PKD1: variants seen among roughly 807,000 people sequenced by gnomAD.
The protein encoded by PKD1 is polycystin-1.
A neutral mutation model predicts 361.7 loss-of-function variants in PKD1; 81 were observed. The ratio of observed to expected loss-of-function variants is 0.22; its 90% confidence interval spans 0.19 to 0.27. The LOEUF is 0.27. Ranked by LOEUF, PKD1 falls within the 10% of genes least tolerant of loss-of-function variation. The pLI is 1.00. For synonymous variants in PKD1, 3,615 were observed against 2,818.3 expected (o/e 1.28, Z -8.95); for missense variants, 6,399 against 6,118.3 (o/e 1.05, Z -1.53).
In PKD1 at chr16:2,130,536, G is replaced by C. The variant is rs893659753; in HGVS notation, c.215+4939C>G. Among the ~76,000 whole-genome samples the C allele has an allele frequency of 8.4e-4, 128 of 152,230 alleles. 1 individual carries two copies. The highest frequency in any genetic ancestry group is 2.9e-3 in the African/African-American group (122 of 41,460). ...AGCCCTCGAGGGTGGCCCTCCTTCT[G>C]CTGAGGGCTCATGGAGGCCTTGGTG... is the stretch of plus-strand genomic sequence containing the variant. On this transcript the variant is annotated intron_variant, in intron 1 of 45. Transcript: ENST00000262304.
intron 1 of PKD1, among the ~76,000 whole-genome samples, chr16:2,124,255 G>A (rs1370492167): frequency 1.3e-5 from 2 of 152,234 alleles, no homozygotes; most frequent in Admixed American, 6.5e-5. Context: ...TAGCTGACAC[G>A]TGTCTCATGC....
Position 2,091,058 on chromosome 16 carries a change from C to A in PKD1, c.11829G>T (p.Ala3943=), listed in dbSNP as rs748017299. The stretch of plus-strand genomic sequence containing the variant: ...GTACCAGTGCCGTGGCCGCCGTCAG[C>A]GCCACCAGCAGCCACCGCGCCCAGG... ...LGAWARWLLV[A]LTAATALVRL... is the part of the protein sequence containing the mutation. The change falls in exon 43 of 46, where the codon GCG becomes GCT. Residue 3943 remains alanine (A), a synonymous_variant. Coordinates refer to ENST00000262304, the MANE Select transcript of PKD1 (RefSeq NM_001009944.3). The A allele has an allele frequency of 1.3e-6, 2 of 1,521,762 alleles. No individual in the cohort carries two copies. Among genetic ancestry groups the A allele is most frequent in the South Asian group, 2.4e-5 (2 of 83,226 alleles). 94.3% of individuals were successfully genotyped at this position (1,521,762 alleles called of 1,614,324 possible).
chr16:2,108,312 G>A lies in PKD1; in HGVS notation c.6855C>T (p.Asn2285=), dbSNP rs372592530. ...VLDGSESYDP[N]LEDGDQTPLS... ...GCGGCGTCTGGTCGCCGTCCTCCAG[G>A]TTGGGGTCGTAGGACTCGCTCCCAT... is the stretch of plus-strand genomic sequence containing the variant. Residue 2285 remains asparagine (N), a synonymous_variant, in exon 15 of 46, where the codon AAC becomes AAT. Transcript: ENST00000262304. The A allele has an allele frequency of 4.4e-6, 7 of 1,603,158 alleles. No individual in the cohort carries two copies. The highest frequency in any genetic ancestry group is 2.2e-5 in the South Asian group (2 of 90,816).
In PKD1 at chr16:2,109,373, G is replaced by A. The variant is rs1281537225; in HGVS notation, c.5794C>T (p.Pro1932Ser). The change falls in exon 15 of 46, where the codon CCC (proline) becomes TCC (serine). Residue 1932 changes from proline (P) to serine (S), a missense_variant. Coordinates refer to ENST00000262304, the MANE Select transcript of PKD1 (RefSeq NM_001009944.3). The part of the protein sequence containing the change: ...QVGGANPEVL[P>S]GPRFSHSFPR... ...AAGCTGTGGGAGAAACGGGGCCCGG[G>A]GAGCACCTCGGGGTTGGCCCCGCCG... is the stretch of plus-strand genomic sequence containing the variant. 1.9e-6 allele frequency: 3 copies of A among 1,593,948 alleles called. No individual in the cohort carries two copies. Among genetic ancestry groups the A allele is most frequent in the Non-Finnish European group, 2.6e-6 (3 of 1,174,948 alleles).
At chr16:2,113,006 G>A in intron 12 of PKD1, 43 bp from the exon 13 acceptor site, 11 of 1,558,892 alleles carry the variant, frequency 7.1e-6, no homozygotes, top group Middle Eastern at 2.3e-4. Context: ...CAGGTGAGAG[G>A]CCTGGCCCTG....
rs550821265 is a variant in PKD1 at position 2,103,062 on chromosome 16, C to T, written c.8792-92G>A. The T allele has an allele frequency of 9.7e-4, 1,409 of 1,456,812 alleles. 2 individuals carry two copies. Among genetic ancestry groups the T allele is most frequent in the South Asian group, 1.7e-3 (147 of 87,122 alleles). The allele number at this position is 1,456,812 out of a possible 1,614,324, so 90.2% of individuals were successfully genotyped here. A position where few individuals can be genotyped will look rare whatever the true frequency, so the allele number is the denominator to read the frequency against. On this transcript the variant is annotated intron_variant, in intron 23 of 45. Transcript: ENST00000262304. ...GCCCTCCTGAGCCCACCCTCTGCCA[C>T]GGGCCTGAAAGGCCATAGGAGCCTC...
intron 34 of PKD1, among the ~76,000 whole-genome samples, chr16:2,095,631 G>A (rs1162227240): frequency 1.3e-5 from 2 of 152,202 alleles, no homozygotes; most frequent in Non-Finnish European, 2.9e-5. Context: ...TGGGAAAGGA[G>A]CCACGGGACG....
chr16:2,126,636 G>A (rs1270925545), intron 1 of PKD1, among the ~76,000 whole-genome samples: 3 of 152,252 alleles, frequency 2.0e-5, no homozygotes, highest in African/African-American at 7.2e-5. Context: ...GCCTCAGCCA[G>A]CTGGAGCGCA....
chr16:2,105,384 A>G lies in PKD1; in HGVS notation c.7954T>C (p.Ser2652Pro), dbSNP rs773020724. 1 of 1,586,806 alleles carries G rather than the reference A, an allele frequency of 6.3e-7. No homozygotes were observed. The highest frequency in any genetic ancestry group is 8.5e-7 in the Non-Finnish European group (1 of 1,172,638). Residue 2652 changes from serine to proline, a missense_variant, in exon 21 of 46, where the codon TCC (serine) becomes CCC (proline). Ser to Pro is a moderately conservative substitution (Grantham distance 74, BLOSUM62 -1). Coordinates refer to ENST00000262304, the MANE Select transcript of PKD1 (RefSeq NM_001009944.3). ...TCATCCACAGTGTGGACCCTCAGGG[A>G]CACCAGAGTCTCCGTGATGTTCTTG... ...IRKNITETLV[S>P]LRVHTVDDIQ...
At chr16:2,098,211 A>G (rs2091928452) in intron 30 of PKD1, 2 of 591,986 alleles carry the variant, frequency 3.4e-6, no homozygotes, top group Non-Finnish European at 6.0e-6. Context: ...AGAGTTTTAA[A>G]TTTCATATTT....
At chr16:2,107,247 G>C (rs2854619) in intron 16 of PKD1, 202,458 of 464,106 alleles carry the variant, frequency 0.44, 46,854 homozygotes, top group African/African-American at 0.59. Flanking sequence ...CGTGTGAGAA[G>C]AGACGTATGT....
intron 1 of PKD1, among the ~76,000 whole-genome samples, chr16:2,123,254 G>A (rs1434043088): frequency 6.6e-6 from 1 of 152,042 alleles, no homozygotes; most frequent in Admixed American, 6.5e-5. Flanking sequence ...TGGGGACCCC[G>A]CTCGGCCGAG....
chr16:2,111,431 C>A lies in PKD1; in HGVS notation c.3736G>T (p.Asp1246Tyr). The stretch of plus-strand genomic sequence containing the variant: ...GACAGCACGGTGCCGTCCCCCATGT[C>A]GAAGGTCCACGTGATGTTGTCGCCC... ...QTGDNITWTFDMGDGTVLSGP... is the reference protein window; with the variant it reads ...QTGDNITWTFYMGDGTVLSGP... Residue 1246 changes from aspartate (D) to tyrosine (Y), a missense_variant, in exon 15 of 46, where the codon GAC (aspartate) becomes TAC (tyrosine). Asp to Tyr is a radical substitution (Grantham distance 160). Transcript: ENST00000262304. 2 of 1,611,910 alleles carry A rather than the reference C, an allele frequency of 1.2e-6. No individual in the cohort carries two copies. The highest frequency in any genetic ancestry group is 1.7e-6 in the Non-Finnish European group (2 of 1,179,556).
rs1479999945 is a variant in PKD1 at position 2,117,096 on chromosome 16, C to A, written c.1386-43G>T. ...ATGGCAGGGGGCTCAGGGCACTCCT[C>A]CATCCTCCCACCCTCACAGCAGCCC... On this transcript the variant is annotated intron_variant, in intron 6 of 45. Coordinates refer to ENST00000262304, the MANE Select transcript of PKD1 (RefSeq NM_001009944.3). The A allele has an allele frequency of 1.4e-5, 12 of 885,254 alleles. 1 individual carries two copies. Among genetic ancestry groups the A allele is most frequent in the Middle Eastern group, 3.4e-4 (1 of 2,938 alleles). 54.8% of individuals were successfully genotyped at this position (885,254 alleles called of 1,614,324 possible).
Position 2,115,396 on chromosome 16 carries a change from C to A in PKD1, c.2079G>T (p.Gly693=). 6.4e-7 allele frequency: 1 copy of A among 1,557,176 alleles called. No homozygotes were observed. Among genetic ancestry groups the A allele is most frequent in the Admixed American group, 1.9e-5 (1 of 53,562 alleles). Reference sequence around the variant, plus strand: ...CACACACCGAGTACTGCGCGGGGGGCCCCGCGGGAACGGAGAAGAGGAACT... The same window carrying A: ...CACACACCGAGTACTGCGCGGGGGGACCCGCGGGAACGGAGAAGAGGAACT... ...WREFLFSVPA[G]PPAQYSVTLH... The change falls in exon 10 of 46, where the codon GGG becomes GGT. Residue 693 remains glycine, a synonymous_variant. Coordinates refer to ENST00000262304, the MANE Select transcript of PKD1 (RefSeq NM_001009944.3).
In PKD1 at chr16:2,091,423, C is replaced by G. The variant is rs1285197239; in HGVS notation, c.11712G>C (p.Ser3904=). 1.0e-5 allele frequency: 12 copies of G among 1,162,556 alleles called. No individual in the cohort carries two copies. The highest frequency in any genetic ancestry group is 3.0e-5 in the South Asian group (1 of 33,480). The allele number at this position is 1,162,556 out of a possible 1,614,324, so 72.0% of individuals were successfully genotyped here. A position where few individuals can be genotyped will look rare whatever the true frequency, so the allele number is the denominator to read the frequency against. ...GGGGTCTGGCCGGGGACGGGCGTAC[C>G]GAGGTGAGCAGAGGCAGCGAGAGGC... is the stretch of plus-strand genomic sequence containing the variant. ...SAGLSLPLLT[S]VCLLLFAVHF... The change falls in exon 42 of 46, where the codon TCG becomes TCC. Residue 3904 remains serine (S), a splice_region_variant and synonymous_variant. Transcript: ENST00000262304.
Position 2,103,619 on chromosome 16 carries a change from C to A in PKD1, c.8438G>T (p.Ser2813Ile). 1.9e-6 allele frequency: 3 copies of A among 1,610,496 alleles called. No homozygotes were observed. The highest frequency in any genetic ancestry group is 2.5e-6 in the Non-Finnish European group (3 of 1,179,728). ...GCHFSIPEAF[S>I]GALANLSDVV... ...GTCACTGAGGTTGGCCAGGGCCCCGCTGAAAGCCTCGGGGATGGAGAAGTG... is the reference window on the plus strand; with the variant it reads ...GTCACTGAGGTTGGCCAGGGCCCCGATGAAAGCCTCGGGGATGGAGAAGTG... The change falls in exon 23 of 46, where the codon AGC becomes ATC. Residue 2813 changes from serine (S) to isoleucine (I), a missense_variant. Physicochemically the swap from Ser to Ile is moderately radical, Grantham distance 142. Coordinates refer to ENST00000262304, the MANE Select transcript of PKD1 (RefSeq NM_001009944.3).
At chr16:2,125,214 A>C (rs1331383312) in intron 1 of PKD1, among the ~76,000 whole-genome samples, 1 of 152,190 alleles carries the variant, frequency 6.6e-6, no homozygotes, top group African/African-American at 2.4e-5. Context: ...ATTTGAAAAA[A>C]AACAGTGCAG....
rs752162239 is a variant in PKD1, at chr16:2,109,139, G to A, written c.6028C>T (p.Leu2010=). Residue 2010 remains leucine (L), a synonymous_variant, in exon 15 of 46, where the codon CTG becomes TTG. Coordinates refer to ENST00000262304, the MANE Select transcript of PKD1 (RefSeq NM_001009944.3). ...AGCGAGTCGCCCTGGACCTTCTGCA[G>A]CGAGAAGTACCAGGCGTAGGCGACC... is the stretch of plus-strand genomic sequence containing the variant. ...SRVAYAWYFS[L]QKVQGDSLVI... 8 of 1,602,680 alleles carry A rather than the reference G, an allele frequency of 5.0e-6. No homozygotes were observed. In the East Asian group the frequency reaches 1.1e-4, roughly 22 times the overall value.
Sources: gnomAD v4.1 joint callset for allele counts (sites outside exome capture counted in the v4.1 genomes callset) on GRCh38, gnomAD v4.1.1 for gene constraint, MANE v1.5 for transcripts, NCBI Gene and HGNC (gene_info 2026-07-23, HGNC 2026-07-21) for gene names.